Variants in PRUNE2 observed in about 807,000 individuals in gnomAD.
The protein encoded by PRUNE2 is protein prune homolog 2.
In PRUNE2, 164 loss-of-function variants were observed where a neutral mutation model predicts 252.0. The ratio of observed to expected loss-of-function variants is 0.65; its 90% CI spans 0.57 to 0.74. The LOEUF is 0.74. Ranked by LOEUF, PRUNE2 falls within the 30% of genes least tolerant of loss-of-function variation. The pLI, the probability that PRUNE2 is intolerant of heterozygous loss-of-function variation, is 0.00. For synonymous variants in PRUNE2, 1,292 were observed against 1,350.2 expected (o/e 0.96, Z 0.94); for missense variants, 3,495 against 3,711.0 (o/e 0.94, Z 1.51).
At chr9:76,868,905 G>C (rs954838062) in intron 1 of PRUNE2, 1 of 146,856 alleles carries the variant, frequency 6.8e-6, no homozygotes, top group African/African-American at 2.5e-5. Context: ...ACTTTCTTTT[G>C]TGAGCCTGTG....
intron 6 of PRUNE2, among the ~76,000 whole-genome samples, chr9:76,799,135 GT>G (rs2056352485): frequency 6.6e-6 from 1 of 152,188 alleles, no homozygotes; most frequent in Non-Finnish European, 1.5e-5. Context: ...GAGGTCAGGA[GT>G]TTGAGACCAG....
At chr9:76,660,107 C>T (rs544477633) in intron 9 of PRUNE2, among the ~76,000 whole-genome samples, 1 of 152,230 alleles carries the variant, frequency 6.6e-6, no homozygotes, top group South Asian at 2.1e-4. Flanking sequence ...ATTAAGTCCA[C>T]AGGTGCCAGA....
chr9:76,802,918 C>T (rs2056662539), intron 6 of PRUNE2, among the ~76,000 whole-genome samples: 1 of 152,108 alleles, frequency 6.6e-6, no homozygotes, highest in Admixed American at 6.6e-5. Flanking sequence ...CATCGACACA[C>T]TTTGTTGTCA....
chr9:76,651,475 A>T (rs1847363017), intron 11 of PRUNE2, among the ~76,000 whole-genome samples: 1 of 152,204 alleles, frequency 6.6e-6, no homozygotes. Context: ...TATTGCTTTT[A>T]AGATTGCGTG....
At chr9:76,890,669 C>T (rs944560) in intron 1 of PRUNE2, among the ~76,000 whole-genome samples, 86,993 of 151,944 alleles carry the variant, frequency 0.57, 25,043 homozygotes, top group South Asian at 0.67. Flanking sequence ...CCCAAGTCTA[C>T]TTCCCTCGGC....
At chr9:76,627,725 A>T (rs1307367986) in intron 16 of PRUNE2, 1 of 185,798 alleles carries the variant, frequency 5.4e-6, no homozygotes, top group African/African-American at 2.4e-5. Flanking sequence ...AGAAAAGGAC[A>T]TGGGAATTTT....
At chr9:76,733,258 A>G (rs976927584) in intron 6 of PRUNE2, among the ~76,000 whole-genome samples, 4 of 152,242 alleles carry the variant, frequency 2.6e-5, no homozygotes, top group Non-Finnish European at 4.4e-5. Flanking sequence ...GCTACTGCAC[A>G]TCAACACAGC....
At chr9:76,885,747 CTAGT>C (rs1383803264) in intron 1 of PRUNE2, among the ~76,000 whole-genome samples, 1 of 152,130 alleles carries the variant, frequency 6.6e-6, no homozygotes, top group Non-Finnish European at 1.5e-5. Context: ...GTGAGTATAG[CTAGT>C]TACTCACCCC....
At position 76,709,631 on chromosome 9, in the gene PRUNE2, A is replaced by C; in HGVS notation, c.2643T>G (p.Asn881Lys). ...ATGTGTGATCCAGATCAGAACTGGG[A>C]TTTCCAGGTGCAAAGATGTGATCCC... is the stretch of plus-strand genomic sequence containing the variant. ...DSRDHIFAPG[N>K]PSSDLDHTWT... The change falls in exon 8 of 19, where the codon AAT (asparagine) becomes AAG (lysine). Residue 881 changes from asparagine (N) to lysine (K), a missense_variant. Coordinates refer to ENST00000376718, the MANE Select transcript of PRUNE2 (RefSeq NM_015225.3). 6.2e-7 allele frequency: 1 copy of C among 1,613,942 alleles called. No homozygotes were observed. The highest frequency in any genetic ancestry group is 8.5e-7 in the Non-Finnish European group (1 of 1,179,884).
At chr9:76,852,142 G>A (rs2059995223) in intron 2 of PRUNE2, among the ~76,000 whole-genome samples, 2 of 152,154 alleles carry the variant, frequency 1.3e-5, no homozygotes, top group African/African-American at 4.8e-5. Flanking sequence ...GTACATATTT[G>A]TTGAATGAAA....
chr9:76,671,975 T>G (rs201007816), intron 9 of PRUNE2, among the ~76,000 whole-genome samples: 3 of 150,294 alleles, frequency 2.0e-5, no homozygotes, highest in Admixed American at 1.3e-4. Flanking sequence ...CCATCGAGAC[T>G]AGGAAGAAAC....
chr9:76,712,141 T>C (rs1167819635), intron 7 of PRUNE2, among the ~76,000 whole-genome samples: 1 of 152,222 alleles, frequency 6.6e-6, no homozygotes, highest in Non-Finnish European at 1.5e-5. Context: ...ATACTACTAC[T>C]ACTACTAATT....
chr9:76,708,818 T>C lies in PRUNE2; in HGVS notation c.3456A>G (p.Gln1152=), dbSNP rs774453183. Residue 1152 remains glutamine (Q), a synonymous_variant, in exon 8 of 19, where the codon CAA becomes CAG. Transcript: ENST00000376718. ...SGGAAIPSDG[Q]TEGYMAEGSE... ...AACCTTCAGCCATGTATCCTTCTGT[T>C]TGACCATCACTGGGGATTGCCGCAC... 10 of 1,613,948 alleles carry C rather than the reference T, an allele frequency of 6.2e-6. No homozygotes were observed. In the East Asian group the frequency reaches 1.8e-4, roughly 29 times the overall value.
intron 6 of PRUNE2, among the ~76,000 whole-genome samples, chr9:76,771,309 T>C (rs1330567223): frequency 2.6e-5 from 4 of 152,222 alleles, no homozygotes; most frequent in Admixed American, 2.6e-4. Context: ...ATTTCTTTAA[T>C]GCTGATACAA....
At chr9:76,659,768 A>C (rs184326738) in intron 9 of PRUNE2, among the ~76,000 whole-genome samples, 1 of 152,242 alleles carries the variant, frequency 6.6e-6, no homozygotes, top group Non-Finnish European at 1.5e-5. Flanking sequence ...GGAGCATTTT[A>C]GATTTCAGAC....
chr9:76,720,570 A>C (rs1221193629), intron 6 of PRUNE2, among the ~76,000 whole-genome samples: 6 of 152,224 alleles, frequency 3.9e-5, no homozygotes. Context: ...TATAGTAGAC[A>C]ATAAATATTA....
chr9:76,878,371 G>A lies in PRUNE2; in HGVS notation c.37-24163C>T, dbSNP rs151276181. Among the ~76,000 whole-genome samples the A allele has an allele frequency of 1.8e-3, 271 of 152,286 alleles. 2 individuals are homozygous for A. Among genetic ancestry groups the A allele is most frequent in the African/African-American group, 6.5e-3 (268 of 41,544 alleles). ...AACCACAGTGCTGTTATGAAGAAGC[G>A]ATTGCCCTCTTGGCTTCATTTTTCT... is the stretch of plus-strand genomic sequence containing the variant. On this transcript the variant is annotated intron_variant, in intron 1 of 18. Transcript: ENST00000376718.
intron 9 of PRUNE2, among the ~76,000 whole-genome samples, chr9:76,693,231 G>T (rs1200584818): frequency 1.3e-5 from 2 of 151,434 alleles, no homozygotes; most frequent in Non-Finnish European, 2.9e-5. Context: ...CTAGCAAAAT[G>T]TCAATTTGGG....
chr9:76,641,940 C>A, intron 12 of PRUNE2: 1 of 1,517,358 alleles, frequency 6.6e-7, no homozygotes, highest in South Asian at 1.2e-5. Context: ...TTTCCAGGGT[C>A]ATTTGTCCAG....
Sources: allele counts gnomAD v4.1 joint callset (sites outside exome capture counted in the v4.1 genomes callset), GRCh38; gene constraint gnomAD v4.1.1; transcripts MANE v1.5; gene names NCBI Gene and HGNC (gene_info 2026-07-23, HGNC 2026-07-21).